CSNK2A1: variants seen among roughly 807,000 people sequenced by gnomAD.
CSNK2A1 encodes the protein casein kinase II subunit alpha.
Under a neutral mutation model 62.9 loss-of-function variants are expected in CSNK2A1, and 10 were observed. The observed-to-expected ratio is 0.16, with a 90% CI of 0.10 to 0.27. The LOEUF (loss-of-function observed/expected upper bound fraction) is 0.27, where lower values mean the gene tolerates loss of function less well. CSNK2A1 is among the 10% of genes least tolerant of loss of function. The pLI is 1.00. For synonymous variants in CSNK2A1, 124 were observed against 167.8 expected, an observed-to-expected ratio of 0.74 and a Z score of 2.02; for missense variants, 160 against 492.0, an observed-to-expected ratio of 0.33 and a Z score of 6.38.
intron 13 of CSNK2A1, among the ~76,000 whole-genome samples, chr20:485,096 A>ATAATAATAATAAT (rs2018054382): frequency 5.9e-5 from 3 of 50,946 alleles, no homozygotes; most frequent in African/African-American, 2.1e-4. Context: ...AAAAAAAAAA[A>ATAATAATAATAAT]AAAAAAAAAA....
rs2017784681 is a variant in CSNK2A1 at position 473,135 on chromosome 20, A to G, written c.*10826T>C. 6.6e-6 allele frequency: 1 copy of G among 152,584 alleles called. No homozygotes were observed. The highest frequency in any genetic ancestry group is 2.4e-5 in the African/African-American group (1 of 41,482). The allele number at this position is 152,584 out of a possible 1,614,324, so 9.5% of individuals were successfully genotyped here. A position where few individuals can be genotyped will look rare whatever the true frequency, so the allele number is the denominator to read the frequency against. On this transcript the variant is annotated 3_prime_UTR_variant, in exon 14 of 14. Coordinates refer to ENST00000217244, the MANE Select transcript of CSNK2A1 (RefSeq NM_177559.3). ...CTGAGGGTGCAGGCTGGCCTGCCAG[A>G]GGGATTTTCTCCTTCCATGTGTGCT...
intron 2 of CSNK2A1, among the ~76,000 whole-genome samples, chr20:525,600 G>A (rs1163870815): frequency 1.8e-4 from 26 of 145,520 alleles, no homozygotes; most frequent in South Asian, 4.3e-4. Context: ...GCAGTGAGCC[G>A]AGATCGTGCC....
At chr20:508,308 A>C in intron 3 of CSNK2A1, 143 bp downstream of exon 3, 1 of 888,450 alleles carries the variant, frequency 1.1e-6, no homozygotes, top group Non-Finnish European at 1.6e-6. Flanking sequence ...CCAAATTTTC[A>C]GCTCAAAAGA....
At chr20:517,201 C>G (rs921702648) in intron 2 of CSNK2A1, among the ~76,000 whole-genome samples, 3 of 152,216 alleles carry the variant, frequency 2.0e-5, no homozygotes, top group African/African-American at 7.2e-5. Flanking sequence ...GCCCATTTCC[C>G]TTTACAAAAG....
In CSNK2A1 at chr20:481,566, A is replaced by T. The variant is rs1326862890; in HGVS notation, c.*2395T>A. 1 of 135,924 alleles carries T rather than the reference A, an allele frequency of 7.4e-6. No homozygotes were observed. The highest frequency in any genetic ancestry group is 8.9e-5 in the Admixed American group (1 of 11,180). The allele number at this position is 135,924 out of a possible 1,614,324, so 8.4% of individuals were successfully genotyped here. Reference sequence around the variant, plus strand: ...GCAGTGACTCTTAAGTAGCATTTTTAAAAACTTCTATTTATTTTAAAAGGC... The same window carrying T: ...GCAGTGACTCTTAAGTAGCATTTTTTAAAACTTCTATTTATTTTAAAAGGC... On this transcript the variant is annotated 3_prime_UTR_variant, in exon 14 of 14. Transcript: ENST00000217244.
chr20:490,335 C>CTTTTCTTTTTTTTTTT lies in CSNK2A1; in HGVS notation c.622-455_622-454insAAAAAAAAAAAGAAAA, dbSNP rs1430310808. On this transcript the variant is annotated intron_variant, in intron 9 of 13. Coordinates refer to ENST00000217244, the MANE Select transcript of CSNK2A1 (RefSeq NM_177559.3). ...ACCCACCGTGCCTGGCTAGTTTTTT[C>CTTTTCTTTTTTTTTTT]TTTTTTTTTTTTTTTTAGTTTTTTT... 2.1e-4 allele frequency among the ~76,000 whole-genome samples: 18 copies of CTTTTCTTTTTTTTTTT among 84,802 alleles called. 1 individual carries two copies. Among genetic ancestry groups the CTTTTCTTTTTTTTTTT allele is most frequent in the African/African-American group, 9.3e-4 (17 of 18,196 alleles). The allele number at this position is 84,802 out of a possible 152,430, so 55.6% of individuals were successfully genotyped here.
intron 13 of CSNK2A1, among the ~76,000 whole-genome samples, chr20:484,605 A>G (rs908416342): frequency 4.6e-5 from 7 of 152,196 alleles, no homozygotes; most frequent in African/African-American, 1.7e-4. Context: ...CTGAAAGTCA[A>G]TTTGAATGGG....
chr20:531,655 CAG>C (rs904511188), intron 1 of CSNK2A1, among the ~76,000 whole-genome samples: 3 of 152,030 alleles, frequency 2.0e-5, no homozygotes, highest in Non-Finnish European at 4.4e-5. Flanking sequence ...GTTAGACAAA[CAG>C]AAACTCATCT....
At chr20:542,599 A>C (rs1479907345) in intron 1 of CSNK2A1, among the ~76,000 whole-genome samples, 1 of 151,692 alleles carries the variant, frequency 6.6e-6, no homozygotes, top group Non-Finnish European at 1.5e-5. Flanking sequence ...AGCCCGGCTG[A>C]TATTTGCATT....
At chr20:495,322 G>A (rs768428436) in intron 8 of CSNK2A1, 10 of 167,608 alleles carry the variant, frequency 6.0e-5, no homozygotes, top group Non-Finnish European at 1.3e-4. Flanking sequence ...TGTATATCTC[G>A]TCCACTTAAC....
chr20:478,098 C>T lies in CSNK2A1; in HGVS notation c.*5863G>A, dbSNP rs1290397060. 1 of 152,098 alleles carries T rather than the reference C, an allele frequency of 6.6e-6. No individual in the cohort carries two copies. The highest frequency in any genetic ancestry group is 6.6e-5 in the Admixed American group (1 of 15,262). The allele number at this position is 152,098 out of a possible 1,614,324, so 9.4% of individuals were successfully genotyped here. On this transcript the variant is annotated 3_prime_UTR_variant, in exon 14 of 14. Transcript: ENST00000217244. ...TAATTAACATACATTTCCCCATGGG[C>T]TTGTGTCTCACCTCTCAATCCCCAG...
chr20:532,539 G>C (rs1290971656), intron 1 of CSNK2A1, among the ~76,000 whole-genome samples: 1 of 152,038 alleles, frequency 6.6e-6, no homozygotes, highest in African/African-American at 2.4e-5. Context: ...GATCAAGACT[G>C]CTCTGGATCT....
intron 1 of CSNK2A1, among the ~76,000 whole-genome samples, chr20:536,661 C>A (rs992124619): frequency 8.5e-5 from 13 of 152,176 alleles, no homozygotes; most frequent in African/African-American, 2.9e-4. Flanking sequence ...TATTCTACCC[C>A]CTTCTCATTT....
chr20:510,793 T>C (rs563493225), intron 2 of CSNK2A1, among the ~76,000 whole-genome samples: 136 of 152,248 alleles, frequency 8.9e-4, no homozygotes, highest in South Asian at 1.7e-3. Context: ...CACAGCTCAC[T>C]GCAGCCTTGA....
chr20:524,673 T>G (rs1600406885), intron 2 of CSNK2A1, among the ~76,000 whole-genome samples: 1 of 118,904 alleles, frequency 8.4e-6, no homozygotes, highest in African/African-American at 3.4e-5. Context: ...GAGGTTGCAG[T>G]GGGCACTCCA....
Position 477,748 on chromosome 20 carries a change from T to C in CSNK2A1, c.*6213A>G, listed in dbSNP as rs1322934706. On this transcript the variant is annotated 3_prime_UTR_variant, in exon 14 of 14. Coordinates refer to ENST00000217244, the MANE Select transcript of CSNK2A1 (RefSeq NM_177559.3). ...GGCTCACGCCTGTAATCCCACCACT[T>C]TGGGAGGCTTGGGCGGGCGGATCAC... 6.6e-6 allele frequency: 1 copy of C among 152,246 alleles called. No homozygotes were observed. Among genetic ancestry groups the C allele is most frequent in the Non-Finnish European group, 1.5e-5 (1 of 68,166 alleles). 9.4% of individuals were successfully genotyped at this position (152,246 alleles called of 1,614,324 possible).
At position 508,539 on chromosome 20, in the gene CSNK2A1, C is replaced by T. The variant is rs748335364; in HGVS notation, c.13G>A (p.Val5Met). 2.0e-5 allele frequency: 32 copies of T among 1,613,280 alleles called. No individual in the cohort carries two copies. The highest frequency in any genetic ancestry group is 1.2e-4 in the South Asian group (11 of 91,010). MSGP[V>M]PSRARVYTDV... ...GTGTAAACTCTGGCCCTGCTTGGCACGGGTCCCGACATGTCAGACAGGTTG... is the reference window on the plus strand; with the variant it reads ...GTGTAAACTCTGGCCCTGCTTGGCATGGGTCCCGACATGTCAGACAGGTTG... Residue 5 changes from valine to methionine, a missense_variant, in exon 3 of 14, where the codon GTG becomes ATG. This residue lies in a region of CSNK2A1 where 15 missense variants were observed against 25.6 expected (regional missense o/e 0.59). Coordinates refer to ENST00000217244, the MANE Select transcript of CSNK2A1 (RefSeq NM_177559.3).
At chr20:508,353 C>T (rs2122570548) in intron 3 of CSNK2A1, 98 bp downstream of exon 3, 2 of 1,360,710 alleles carry the variant, frequency 1.5e-6, no homozygotes, top group South Asian at 2.7e-5. Context: ...GAGGTATACA[C>T]ATACAGAGTC....
intron 4 of CSNK2A1, chr20:500,191 A>G (rs568560871): frequency 3.7e-5 from 16 of 437,596 alleles, no homozygotes; most frequent in African/African-American, 2.9e-4. Context: ...TAGCATTTCA[A>G]TCATCAGTCT....
Sources: gnomAD v4.1 joint callset for allele counts (sites outside exome capture counted in the v4.1 genomes callset) on GRCh38, gnomAD v4.1.1 for gene constraint, gnomAD v4.1.1 regional missense constraint, MANE v1.5 for transcripts, NCBI Gene and HGNC (gene_info 2026-07-23, HGNC 2026-07-21) for gene names.